Variants in EIF2AK4 observed in about 807,000 individuals in gnomAD.
EIF2AK4 encodes eIF-2-alpha kinase GCN2.
Under a neutral mutation model 211.1 loss-of-function variants are expected in EIF2AK4, and 139 were observed. That is an observed-to-expected ratio of 0.66 (90% CI 0.57 to 0.76). The LOEUF (loss-of-function observed/expected upper bound fraction) is 0.76. Ranked by LOEUF, EIF2AK4 falls within the 30% of genes least tolerant of loss-of-function variation. The probability of loss-of-function intolerance (pLI) is 0.00; values close to 1 mark genes in which losing one functional copy is unlikely to be tolerated. For missense variants in EIF2AK4, 1,664 were observed against 2,043.8 expected (o/e 0.81, Z 3.58); for synonymous variants, 710 against 751.3 (o/e 0.94, Z 0.90).
intron 32 of EIF2AK4, among the ~76,000 whole-genome samples, chr15:40,024,715 C>T (rs1349288714): frequency 7.2e-5 from 10 of 139,244 alleles, no homozygotes; most frequent in Non-Finnish European, 1.4e-4. Context: ...TTTTTTTTTA[C>T]TCTGAGAATC....
rs1024753694 is a variant in EIF2AK4, at chr15:39,976,677, C to A, written c.2082C>A (p.Asp694Glu). The change falls in exon 12 of 39, where the codon GAC becomes GAA. Residue 694 changes from aspartate (D) to glutamate (E), a missense_variant. Physicochemically the swap from Asp to Glu is conservative, Grantham distance 45. Transcript: ENST00000263791. ...GQPASDTDGLDSVEAAAPPPI... is the reference protein window; with the variant it reads ...GQPASDTDGLESVEAAAPPPI... ...CGGCGAGCGACACAGACGGCCTGGA[C>A]AGCGTAGAGGCCGCCGCGCCGCCAC... 1.9e-6 allele frequency: 3 copies of A among 1,604,638 alleles called. No homozygotes were observed. The highest frequency in any genetic ancestry group is 2.5e-6 in the Non-Finnish European group (3 of 1,178,202).
intron 3 of EIF2AK4, among the ~76,000 whole-genome samples, chr15:39,944,524 CG>C (rs1459040355): frequency 2.6e-5 from 4 of 151,418 alleles, no homozygotes; most frequent in Middle Eastern, 3.4e-3. Flanking sequence ...CTCCGCCTCC[CG>C]GGTTCGCGCC....
intron 33 of EIF2AK4, among the ~76,000 whole-genome samples, chr15:40,026,898 ATTATT>A (rs1022118474): frequency 2.0e-5 from 3 of 152,222 alleles, no homozygotes; most frequent in African/African-American, 7.2e-5. Flanking sequence ...TATAATAAAA[ATTATT>A]TTAAAGATGT....
intron 9 of EIF2AK4, among the ~76,000 whole-genome samples, chr15:39,969,356 C>CT (rs10550245): frequency 0.26 from 26,611 of 101,074 alleles, 4,292 homozygotes; most frequent in African/African-American, 0.33. Flanking sequence ...ATTTCTTATT[C>CT]TTTTTTTTTT....
At chr15:39,977,520 G>C (rs972713947) in intron 12 of EIF2AK4, 1 of 152,114 alleles carries the variant, frequency 6.6e-6, no homozygotes, top group Non-Finnish European at 1.5e-5. Context: ...CTGGAGGTTT[G>C]GGACCCCTAA....
Position 40,030,462 on chromosome 15 carries a change from C to G in EIF2AK4, c.4659+6C>G. On this transcript the variant is annotated splice_donor_region_variant and intron_variant, in intron 35 of 38. Transcript: ENST00000263791. Reference sequence around the variant, plus strand: ...GGAGGCGCTATGAAACTCAGGTACACTGGGTCAGGGTTTCTTTGGCTTTCT... The same window carrying G: ...GGAGGCGCTATGAAACTCAGGTACAGTGGGTCAGGGTTTCTTTGGCTTTCT... 1 of 1,612,960 alleles carries G rather than the reference C, an allele frequency of 6.2e-7. No homozygotes were observed.
rs2034924998 is a variant in EIF2AK4 at position 39,990,267 on chromosome 15, C to G, written c.2527-6C>G. The G allele has an allele frequency of 6.2e-7, 1 of 1,613,186 alleles. No individual in the cohort carries two copies. On this transcript the variant is annotated splice_region_variant and splice_polypyrimidine_tract_variant and intron_variant, in intron 15 of 38. Transcript: ENST00000263791. Reference sequence around the variant, plus strand: ...CATTGTTTGTTTCTTCACTCTCTTTCAACAGGGAATGATTCACCGGGATTT... The same window carrying G: ...CATTGTTTGTTTCTTCACTCTCTTTGAACAGGGAATGATTCACCGGGATTT...
chr15:40,009,068 GTTTTT>G (rs2035201189), intron 25 of EIF2AK4, among the ~76,000 whole-genome samples: 2 of 114,884 alleles, frequency 1.7e-5, no homozygotes, highest in Admixed American at 1.7e-4. Flanking sequence ...AGTCAGAGTT[GTTTTT>G]GTTTTGTTTT....
intron 13 of EIF2AK4, among the ~76,000 whole-genome samples, chr15:39,983,745 A>C (rs1414724754): frequency 6.6e-6 from 1 of 152,190 alleles, no homozygotes; most frequent in South Asian, 2.1e-4. Context: ...CCCGGCCTGG[A>C]TATTAGCCCT....
At chr15:39,953,240 C>T (rs1324120502) in intron 4 of EIF2AK4, among the ~76,000 whole-genome samples, 2 of 152,218 alleles carry the variant, frequency 1.3e-5, no homozygotes, top group Admixed American at 6.5e-5. Context: ...TTTTGACATA[C>T]TGCTATAGCT....
Position 40,034,413 on chromosome 15 carries a change from G to C in EIF2AK4, c.4861G>C (p.Asp1621His), listed in dbSNP as rs763573480. 3.7e-6 allele frequency: 6 copies of C among 1,614,050 alleles called. No homozygotes were observed. The South Asian group carries it at 6.6e-5, about 18-fold the overall frequency. ...PKQRYLKLVC[D>H]EIYNIKVEKK... ...GCAAAGATACCTCAAATTAGTCTGT[G>C]ATGAAATTTATAACATCAAAGTAGA... Residue 1621 changes from aspartate (D) to histidine (H), a missense_variant, in exon 38 of 39, where the codon GAT (aspartate) becomes CAT (histidine). Transcript: ENST00000263791.
In EIF2AK4 at chr15:40,017,184, A is replaced by G. The variant is rs35480871; in HGVS notation, c.4007A>G (p.Lys1336Arg). The G allele has an allele frequency of 8.7e-4, 1,406 of 1,614,014 alleles. 13 individuals carry two copies. In the African/African-American group the frequency reaches 0.017, roughly 19 times the overall value. The change falls in exon 29 of 39, where the codon AAA becomes AGA. Residue 1336 changes from lysine (K) to arginine (R), a missense_variant. Lys to Arg is a conservative substitution (Grantham distance 26). Coordinates refer to ENST00000263791, the MANE Select transcript of EIF2AK4 (RefSeq NM_001013703.4). ...ATCTTCCAGTTTGTGGCTTTCATCA[A>G]ACGAAGGCAAAGGGCTGTACCTGAA... ...GIIFQFVAFIKRRQRAVPEIL... is the reference protein window; with the variant it reads ...GIIFQFVAFIRRRQRAVPEIL...
chr15:40,005,887 A>G (rs150892314), intron 23 of EIF2AK4, among the ~76,000 whole-genome samples: 65 of 151,914 alleles, frequency 4.3e-4, no homozygotes, highest in Non-Finnish European at 8.7e-4. Flanking sequence ...CACTTGATAT[A>G]TGTGTAGATA....
At position 39,949,143 on chromosome 15, in the gene EIF2AK4, G is replaced by A. The variant is rs767768823; in HGVS notation, c.388G>A (p.Val130Met). 8.1e-6 allele frequency: 13 copies of A among 1,613,794 alleles called. No homozygotes were observed. The highest frequency in any genetic ancestry group is 2.7e-5 in the African/African-American group (2 of 74,828). Residue 130 changes from valine (V) to methionine (M), a missense_variant, in exon 4 of 39, where the codon GTG (valine) becomes ATG (methionine). Val to Met is a conservative substitution (Grantham distance 21). Transcript: ENST00000263791. ...GATGATCTTTGAACTGGCTTACCAC[G>A]TGCAGTCATTTCTCAGCGAGCATAA... ...EVMIFELAYH[V>M]QSFLSEHNKP...
At chr15:40,006,157 C>T (rs2898973) in intron 23 of EIF2AK4, among the ~76,000 whole-genome samples, 41,998 of 151,702 alleles carry the variant, frequency 0.28, 5,905 homozygotes, top group South Asian at 0.35. Flanking sequence ...TGTCATATGG[C>T]TTATTGTGAA....
At chr15:39,954,756 G>A (rs934175496) in intron 5 of EIF2AK4, among the ~76,000 whole-genome samples, 3 of 152,112 alleles carry the variant, frequency 2.0e-5, no homozygotes, top group African/African-American at 7.2e-5. Flanking sequence ...CCAGTCAGAC[G>A]TGTTTGGAGA....
At chr15:40,011,468 G>GT (rs2035234735) in intron 27 of EIF2AK4, 122 bp downstream of exon 27, 1 of 748,914 alleles carries the variant, frequency 1.3e-6, no homozygotes, top group East Asian at 2.8e-5. Context: ...CGCAGATGCA[G>GT]TTTTTCCCTT....
Position 39,943,435 on chromosome 15 carries a change from A to G in EIF2AK4, c.310A>G (p.Asn104Asp). 1 of 1,582,468 alleles carries G rather than the reference A, an allele frequency of 6.3e-7. No homozygotes were observed. The highest frequency in any genetic ancestry group is 8.5e-7 in the Non-Finnish European group (1 of 1,169,912). ...CAAAGGTCTATCAAATGAAAGTGTC[A>G]ATTTGTTAAAATCTCGCCTAGAAGA... ...NAKGLSNESV[N>D]LLKSRLEELA... Residue 104 changes from asparagine to aspartate, a missense_variant, in exon 3 of 39, where the codon AAT becomes GAT. Coordinates refer to ENST00000263791, the MANE Select transcript of EIF2AK4 (RefSeq NM_001013703.4).
intron 28 of EIF2AK4, 134 bp downstream of exon 28, chr15:40,016,806 C>T (rs2035307724): frequency 8.3e-7 from 1 of 1,205,646 alleles, no homozygotes; most frequent in African/African-American, 1.5e-5. Context: ...TGTTTTGGAG[C>T]ATTTGATATT....
Sources: gnomAD v4.1 joint callset for allele counts (sites outside exome capture counted in the v4.1 genomes callset) on GRCh38, gnomAD v4.1.1 for gene constraint, MANE v1.5 for transcripts, NCBI Gene and HGNC (gene_info 2026-07-23, HGNC 2026-07-21) for gene names.